The following SCN8A variants were observed in gnomAD, a reference collection of about 807,000 sequenced individuals.
The protein encoded by SCN8A is sodium voltage-gated channel alpha subunit 8.
In SCN8A, 30 loss-of-function variants were observed where a neutral mutation model predicts 184.1. The observed-to-expected ratio is 0.16, with a 90% CI of 0.12 to 0.22. The LOEUF is 0.22. Among genes scored for constraint, SCN8A ranks in the 10% least tolerant of loss-of-function variants. SCN8A has a pLI of 1.00. For missense variants in SCN8A, 1,057 were observed against 2,498.9 expected (o/e 0.42, Z 12.30); for synonymous variants, 852 against 907.0 (o/e 0.94, Z 1.09).
At chr12:51,630,056 G>T (rs1940165765) in intron 1 of SCN8A, among the ~76,000 whole-genome samples, 1 of 152,086 alleles carries the variant, frequency 6.6e-6, no homozygotes, top group Non-Finnish European at 1.5e-5. Flanking sequence ...ACCTGGCCAA[G>T]TTTCTTAACT....
intron 16 of SCN8A, among the ~76,000 whole-genome samples, chr12:51,767,239 C>T (rs1592150554): frequency 6.6e-6 from 1 of 152,092 alleles, no homozygotes; most frequent in Non-Finnish European, 1.5e-5. Flanking sequence ...CTGACTTTGC[C>T]ACCCTTTCTT....
chr12:51,770,823 C>CTT, intron 19 of SCN8A, 140 bp downstream of exon 19: 1 of 809,962 alleles, frequency 1.2e-6, no homozygotes, highest in Admixed American at 2.6e-5. Context: ...TGTTAAAGTG[C>CTT]TTTAGGCTGC....
intron 26 of SCN8A, among the ~76,000 whole-genome samples, chr12:51,802,259 ATC>A (rs1938575395): frequency 6.6e-6 from 1 of 152,150 alleles, no homozygotes; most frequent in Admixed American, 6.5e-5. Context: ...TGCAGGGTTA[ATC>A]TCAGACAAAT....
At chr12:51,709,488 G>T (rs530443893) in intron 11 of SCN8A, among the ~76,000 whole-genome samples, 2 of 152,220 alleles carry the variant, frequency 1.3e-5, no homozygotes, top group African/African-American at 4.8e-5. Flanking sequence ...CGATGTTGGA[G>T]AAGGCAGGGC....
chr12:51,778,624 C>T (rs1035251943), intron 20 of SCN8A, among the ~76,000 whole-genome samples: 6 of 152,094 alleles, frequency 3.9e-5, no homozygotes, highest in Non-Finnish European at 5.9e-5. Context: ...ATACACCTTC[C>T]GCTTCTACCC....
chr12:51,792,769 GTC>G (rs1312365858), intron 25 of SCN8A, among the ~76,000 whole-genome samples: 3 of 152,264 alleles, frequency 2.0e-5, no homozygotes, highest in Admixed American at 1.3e-4. Flanking sequence ...TTGAGACAGA[GTC>G]TCTCTCTGTT....
chr12:51,678,921 C>A (rs1483337209), intron 2 of SCN8A, among the ~76,000 whole-genome samples: 5 of 151,358 alleles, frequency 3.3e-5, no homozygotes, highest in African/African-American at 4.9e-5. Flanking sequence ...ACTAAAAATA[C>A]AAAAATTAGC....
intron 7 of SCN8A, 83 bp downstream of exon 7, chr12:51,699,874 AAGT>A (rs1941655579): frequency 7.8e-7 from 1 of 1,281,220 alleles, no homozygotes; most frequent in Admixed American, 2.1e-5. Flanking sequence ...GGGCTTAAAA[AAGT>A]AGTTGGAGGC....
intron 1 of SCN8A, among the ~76,000 whole-genome samples, chr12:51,639,371 A>G (rs1251846826): frequency 6.6e-6 from 1 of 152,170 alleles, no homozygotes; most frequent in Non-Finnish European, 1.5e-5. Context: ...TAGTTGATAA[A>G]GTAGCAGCAA....
intron 1 of SCN8A, among the ~76,000 whole-genome samples, chr12:51,640,116 G>A (rs145849909): frequency 3.7e-4 from 53 of 143,010 alleles, no homozygotes; most frequent in African/African-American, 1.3e-3. Flanking sequence ...TCTCACTGTT[G>A]CCCAGGCTTG....
chr12:51,665,411 A>AT (rs1160244748), intron 2 of SCN8A, among the ~76,000 whole-genome samples: 2 of 152,094 alleles, frequency 1.3e-5, no homozygotes, highest in Non-Finnish European at 2.9e-5. Flanking sequence ...AACTTTAATA[A>AT]TTTTTTTTGG....
intron 1 of SCN8A, among the ~76,000 whole-genome samples, chr12:51,598,002 C>T (rs181062635): frequency 6.6e-6 from 1 of 152,240 alleles, no homozygotes; most frequent in Admixed American, 6.5e-5. Context: ...ATAGGGCATT[C>T]TCAGAGGTCA....
At chr12:51,792,142 A>C (rs1938274283) in intron 25 of SCN8A, among the ~76,000 whole-genome samples, 1 of 152,076 alleles carries the variant, frequency 6.6e-6, no homozygotes, top group Admixed American at 6.6e-5. Context: ...GATCTACTTT[A>C]ATATAGTAGT....
At chr12:51,767,844 C>T (rs1942861957) in intron 16 of SCN8A, among the ~76,000 whole-genome samples, 1 of 152,194 alleles carries the variant, frequency 6.6e-6, no homozygotes, top group Non-Finnish European at 1.5e-5. Context: ...TGTAGTTAGT[C>T]TGAATGACTC....
intron 25 of SCN8A, among the ~76,000 whole-genome samples, chr12:51,790,743 C>CCACCA (rs1335021444): frequency 6.6e-6 from 1 of 152,186 alleles, no homozygotes; most frequent in African/African-American, 2.4e-5. Context: ...CAAGAATCAG[C>CCACCA]ATGTGAACCA....
rs193073465 is a variant in SCN8A at position 51,735,707 on chromosome 12, G to A, written c.1999-10196G>A. ...ACGGGTGTTGCTCGTAACTGTTGGG[G>A]TCCTCCTCAGCATCGGTCTCGACAT... On this transcript the variant is annotated intron_variant, in intron 12 of 26. Transcript: ENST00000627620. Among the ~76,000 whole-genome samples the A allele has an allele frequency of 2.6e-5, 4 of 152,242 alleles. No homozygotes were observed. In the East Asian group the frequency reaches 5.8e-4, roughly 22 times the overall value.
At chr12:51,634,791 G>A (rs1410611690) in intron 1 of SCN8A, among the ~76,000 whole-genome samples, 1 of 151,788 alleles carries the variant, frequency 6.6e-6, no homozygotes, top group Admixed American at 6.6e-5. Flanking sequence ...TGGGATTACA[G>A]GTGCCTGCCA....
chr12:51,747,842 T>C (rs1029449285), intron 13 of SCN8A, among the ~76,000 whole-genome samples: 1 of 136,314 alleles, frequency 7.3e-6, no homozygotes, highest in Non-Finnish European at 1.6e-5. Context: ...TTCTCCACCC[T>C]TTACCCACCA....
At chr12:51,702,727 G>C (rs2138742197) in intron 8 of SCN8A, 46 bp from the exon 9 acceptor site, 1 of 1,461,450 alleles carries the variant, frequency 6.8e-7, no homozygotes, top group African/African-American at 1.4e-5. Flanking sequence ...GTCATGGCTG[G>C]GTGGAATTAT....
Sources: gnomAD v4.1 joint callset for allele counts (sites outside exome capture counted in the v4.1 genomes callset) on GRCh38, gnomAD v4.1.1 for gene constraint, MANE v1.5 for transcripts, NCBI Gene and HGNC (gene_info 2026-07-23, HGNC 2026-07-21) for gene names.